Variants in PEAK1 observed in about 807,000 individuals in gnomAD.
The protein encoded by PEAK1 is pseudopodium enriched atypical kinase 1.
PEAK1 carries 54 observed loss-of-function variants against 124.7 expected under a neutral mutation model. That is an observed-to-expected ratio of 0.43 (90% CI 0.35 to 0.54). The LOEUF (loss-of-function observed/expected upper bound fraction) is 0.54, where lower values mean the gene tolerates loss of function less well. Ranked by LOEUF, PEAK1 falls within the 20% of genes least tolerant of loss-of-function variation. PEAK1 has a pLI of 0.01. For synonymous variants in PEAK1, 719 were observed against 760.0 expected, an observed-to-expected ratio of 0.95 and a Z score of 0.89; for missense variants, 2,046 against 2,134.5, an observed-to-expected ratio of 0.96 and a Z score of 0.82.
chr15:77,105,911 T>C (rs28673379), downstream of PEAK1: 1 of 152,228 alleles, frequency 6.6e-6, no homozygotes, highest in Non-Finnish European at 1.5e-5. Context: ...GGACCACTAA[T>C]GGAATTCTCA....
intron 5 of PEAK1, among the ~76,000 whole-genome samples, chr15:77,272,859 T>C (rs952579530): frequency 6.6e-6 from 1 of 152,208 alleles, no homozygotes; most frequent in Middle Eastern, 3.4e-3. Context: ...GCAAAAATCC[T>C]TAACAAAATA....
intron 2 of PEAK1, among the ~76,000 whole-genome samples, chr15:77,315,094 T>A (rs2153008044): frequency 6.6e-6 from 1 of 152,326 alleles, no homozygotes; most frequent in South Asian, 2.1e-4. Flanking sequence ...GACAACAGTA[T>A]TACCCATGGG....
rs2057079392 is a variant in PEAK1, at chr15:77,179,200, C to T, written c.2727G>A (p.Leu909=). Residue 909 remains leucine (L), a synonymous_variant, in exon 7 of 10, where the codon TTG becomes TTA. Coordinates refer to ENST00000682557, the MANE Select transcript of PEAK1 (RefSeq NM_001385026.1). ...PTRSTEAESV[L]HSEGSRRAAD... ...CTGCCCGCCTGCTGCCTTCAGAGTG[C>T]AAAACTGATTCAGCTTCTGTTGACC... 2 of 1,614,176 alleles carry T rather than the reference C, an allele frequency of 1.2e-6. No individual in the cohort carries two copies. The highest frequency in any genetic ancestry group is 2.2e-5 in the South Asian group (2 of 91,086).
At chr15:77,350,533 C>T in intron 2 of PEAK1, 1 of 979,008 alleles carries the variant, frequency 1.0e-6, no homozygotes, top group African/African-American at 1.8e-5. Context: ...CATGATAATA[C>T]AATTGTGAGT....
chr15:77,269,597 C>T (rs2061924369), intron 5 of PEAK1, among the ~76,000 whole-genome samples: 1 of 152,070 alleles, frequency 6.6e-6, no homozygotes, highest in Non-Finnish European at 1.5e-5. Flanking sequence ...ACTGACAGCA[C>T]TAGACAGGTA....
chr15:77,310,726 G>T (rs529756631), intron 2 of PEAK1, among the ~76,000 whole-genome samples: 1 of 152,328 alleles, frequency 6.6e-6, no homozygotes, highest in East Asian at 1.9e-4. Context: ...GACATGGAAA[G>T]TAAAACATAC....
chr15:77,120,041 G>A (rs1214920294), intron 9 of PEAK1, among the ~76,000 whole-genome samples: 1 of 152,138 alleles, frequency 6.6e-6, no homozygotes, highest in Non-Finnish European at 1.5e-5. Context: ...TAAGTCAGAG[G>A]GATAGGGGGA....
In PEAK1 at chr15:77,180,872, G is replaced by A. The variant is rs760476016; in HGVS notation, c.1055C>T (p.Ser352Leu). 5.0e-6 allele frequency: 8 copies of A among 1,613,874 alleles called. No homozygotes were observed. In the East Asian group the frequency reaches 6.7e-5, roughly 13 times the overall value. ...TSPDSSLTEE[S>L]RSETASSLSQ... ...TAAACTACTGGCTGTCTCAGAACGTGATTCTTCTGTTAAAGAAGAATCTGG... is the reference window on the plus strand; with the variant it reads ...TAAACTACTGGCTGTCTCAGAACGTAATTCTTCTGTTAAAGAAGAATCTGG... Residue 352 changes from serine (S) to leucine (L), a missense_variant, in exon 7 of 10, where the codon TCA becomes TTA. By Grantham distance (145) the Ser-to-Leu change is moderately radical. Transcript: ENST00000682557.
chr15:77,271,771 C>T (rs550244774), intron 5 of PEAK1, among the ~76,000 whole-genome samples: 7 of 152,078 alleles, frequency 4.6e-5, no homozygotes, highest in African/African-American at 1.2e-4. Context: ...TCACACACTG[C>T]GGCCTGTTGT....
intron 6 of PEAK1, among the ~76,000 whole-genome samples, chr15:77,186,469 T>C (rs2057553057): frequency 1.3e-5 from 2 of 152,218 alleles, no homozygotes; most frequent in African/African-American, 4.8e-5. Flanking sequence ...CATTTGCTTA[T>C]GTCAGTGTTG....
At chr15:77,196,283 C>T (rs916188835) in intron 6 of PEAK1, among the ~76,000 whole-genome samples, 8 of 152,146 alleles carry the variant, frequency 5.3e-5, no homozygotes, top group Non-Finnish European at 1.2e-4. Context: ...TGATTTTCCT[C>T]AAATGTTGTT....
At chr15:77,229,162 T>C (rs1020160955) in intron 6 of PEAK1, among the ~76,000 whole-genome samples, 1 of 151,868 alleles carries the variant, frequency 6.6e-6, no homozygotes, top group African/African-American at 2.4e-5. Flanking sequence ...AAGAAAACAA[T>C]CTCCAGGGCC....
intron 8 of PEAK1, among the ~76,000 whole-genome samples, chr15:77,148,659 G>A (rs562636368): frequency 2.0e-5 from 3 of 152,160 alleles, no homozygotes; most frequent in East Asian, 1.9e-4. Flanking sequence ...GCTCACCCTT[G>A]TAATCCCAGT....
intron 6 of PEAK1, among the ~76,000 whole-genome samples, chr15:77,206,361 C>T (rs1239043722): frequency 3.3e-5 from 5 of 149,604 alleles, no homozygotes; most frequent in South Asian, 2.1e-4. Flanking sequence ...ATGGCTGGGT[C>T]AAATGGTATT....
At chr15:77,239,484 TG>T (rs1169175504) in intron 6 of PEAK1, among the ~76,000 whole-genome samples, 1 of 152,144 alleles carries the variant, frequency 6.6e-6, no homozygotes, top group Non-Finnish European at 1.5e-5. Context: ...AGCTGTAAAT[TG>T]GGTTTACAAA....
At chr15:77,172,809 G>A (rs962506910) in intron 7 of PEAK1, among the ~76,000 whole-genome samples, 1 of 152,168 alleles carries the variant, frequency 6.6e-6, no homozygotes, top group Admixed American at 6.5e-5. Context: ...TTGGAGTGCA[G>A]TGGCGTGATT....
At chr15:77,344,692 C>T (rs1254377291) in intron 2 of PEAK1, among the ~76,000 whole-genome samples, 1 of 152,234 alleles carries the variant, frequency 6.6e-6, no homozygotes. Context: ...AACCCATGAA[C>T]ATGGGCTGTT....
chr15:77,149,431 C>T (rs1596354644), intron 8 of PEAK1, among the ~76,000 whole-genome samples: 1 of 152,288 alleles, frequency 6.6e-6, no homozygotes, highest in East Asian at 1.9e-4. Context: ...GGAGGTTTTG[C>T]TGTCTTTTAG....
chr15:77,229,837 G>A (rs956639493), intron 6 of PEAK1, among the ~76,000 whole-genome samples: 1 of 151,930 alleles, frequency 6.6e-6, no homozygotes, highest in African/African-American at 2.4e-5. Context: ...AGTAGAGACG[G>A]GGTTTCACCA....
Sources: allele counts gnomAD v4.1 joint callset (sites outside exome capture counted in the v4.1 genomes callset), GRCh38; gene constraint gnomAD v4.1.1; transcripts MANE v1.5; gene names NCBI Gene and HGNC (gene_info 2026-07-23, HGNC 2026-07-21).